NLGN4Y: variants seen among roughly 807,000 people sequenced by gnomAD.
NLGN4Y encodes neuroligin 4 Y-linked, also known as neuroligin-4, Y-linked.
In NLGN4Y, 4 loss-of-function variants were observed where a neutral mutation model predicts 8.4. The observed-to-expected ratio is 0.48, with a 90% CI of 0.23 to 1.09. The LOEUF (loss-of-function observed/expected upper bound fraction) is 1.09, where lower values mean the gene tolerates loss of function less well. Among genes scored for constraint, NLGN4Y ranks in the 50% least tolerant of loss-of-function variants. NLGN4Y has a pLI of 0.19. For synonymous variants in NLGN4Y, 35 were observed against 75.6 expected (o/e 0.46, Z 2.78); for missense variants, 90 against 192.3 (o/e 0.47, Z 3.15).
chrY:14,814,036 A>C, intron 4 of NLGN4Y, among the ~76,000 whole-genome samples: 1 of 32,470 alleles, frequency 3.1e-5, no homozygotes, highest in Non-Finnish European at 7.5e-5. Context: ...CCTAAAATAA[A>C]AGGTTTTTAA....
intron 1 of NLGN4Y, among the ~76,000 whole-genome samples, chrY:14,539,635 T>TA (rs2080143798): frequency 1.6e-4 from 5 of 30,484 alleles, no homozygotes; most frequent in Admixed American, 1.2e-3. Flanking sequence ...CATTCCTCAT[T>TA]CTAGGGGCAT....
chrY:14,752,518 T>C, intron 4 of NLGN4Y, among the ~76,000 whole-genome samples: 5 of 33,764 alleles, frequency 1.5e-4, no homozygotes, highest in Non-Finnish European at 3.7e-4. Context: ...CATGGAATTG[T>C]ACATCCTTAT....
chrY:14,705,121 G>T (rs2080872010), intron 2 of NLGN4Y, among the ~76,000 whole-genome samples: 1 of 32,326 alleles, frequency 3.1e-5, no homozygotes, highest in African/African-American at 1.2e-4. Context: ...GTAGACAAAC[G>T]GTATCTTTAT....
chrY:14,572,206 G>A (rs2080275160), intron 1 of NLGN4Y, among the ~76,000 whole-genome samples: 1 of 32,901 alleles, frequency 3.0e-5, no homozygotes, highest in African/African-American at 1.2e-4. Context: ...CCATTTTCAC[G>A]ATATTGATTC....
intron 1 of NLGN4Y, among the ~76,000 whole-genome samples, chrY:14,526,178 C>G (rs988758437): frequency 2.7e-4 from 9 of 33,288 alleles, no homozygotes; most frequent in Non-Finnish European, 5.2e-4. Flanking sequence ...TTTGTGAGGG[C>G]AGATTTGGAG....
chrY:14,614,621 A>T (rs2080481428), intron 1 of NLGN4Y, among the ~76,000 whole-genome samples: 1 of 33,509 alleles, frequency 3.0e-5, no homozygotes, highest in Admixed American at 2.7e-4. Context: ...GTAAGGTGTA[A>T]GGAAGGGATC....
At chrY:14,803,448 G>A (rs2043045471) in intron 4 of NLGN4Y, among the ~76,000 whole-genome samples, 1 of 30,937 alleles carries the variant, frequency 3.2e-5, no homozygotes, top group African/African-American at 1.3e-4. Flanking sequence ...AGGCCAAAAG[G>A]CAATATAAAC....
chrY:14,612,695 G>A (rs1044844652), intron 1 of NLGN4Y, among the ~76,000 whole-genome samples: 2 of 33,106 alleles, frequency 6.0e-5, no homozygotes, highest in Non-Finnish European at 1.5e-4. Context: ...GCCACCTGAT[G>A]TCAACCAGAG....
intron 1 of NLGN4Y, among the ~76,000 whole-genome samples, chrY:14,617,481 A>G (rs764480930): frequency 3.3e-5 from 1 of 30,380 alleles, no homozygotes; most frequent in Non-Finnish European, 7.9e-5. Context: ...TTCCTCTGGA[A>G]GCTTTGTTTC....
At chrY:14,754,331 G>A (rs536318113) in intron 4 of NLGN4Y, among the ~76,000 whole-genome samples, 2 of 33,169 alleles carry the variant, frequency 6.0e-5, no homozygotes, top group African/African-American at 2.3e-4. Flanking sequence ...CCAAGATCAC[G>A]CTGCTGCACT....
chrY:14,598,100 C>T, intron 1 of NLGN4Y, among the ~76,000 whole-genome samples: 1 of 35,066 alleles, frequency 2.9e-5, no homozygotes, highest in Non-Finnish European at 7.2e-5. Context: ...AGATTCTCCA[C>T]GTCCCCACCA....
At chrY:14,593,561 A>G in intron 1 of NLGN4Y, among the ~76,000 whole-genome samples, 1 of 33,389 alleles carries the variant, frequency 3.0e-5, no homozygotes, top group African/African-American at 1.2e-4. Context: ...CTATGCCCCC[A>G]TGAAAGTCCC....
intron 1 of NLGN4Y, among the ~76,000 whole-genome samples, chrY:14,566,570 G>C: frequency 3.0e-5 from 1 of 33,155 alleles, no homozygotes; most frequent in Admixed American, 2.8e-4. Context: ...CACAATAATA[G>C]TGGGAGACTT....
intron 4 of NLGN4Y, among the ~76,000 whole-genome samples, chrY:14,761,020 C>A (rs2081078516): frequency 3.0e-5 from 1 of 33,168 alleles, no homozygotes; most frequent in Non-Finnish European, 7.4e-5. Flanking sequence ...ATTGGGAGGA[C>A]TCCTGCTACT....
At chrY:14,668,464 C>T (rs928214500) in intron 2 of NLGN4Y, among the ~76,000 whole-genome samples, 12 of 32,986 alleles carry the variant, frequency 3.6e-4, no homozygotes, top group African/African-American at 1.2e-3. Context: ...CCAAATGTTA[C>T]GCAAATAGTA....
intron 1 of NLGN4Y, among the ~76,000 whole-genome samples, chrY:14,544,490 G>A: frequency 6.1e-5 from 2 of 32,648 alleles, no homozygotes; most frequent in East Asian, 8.0e-4. Context: ...TGAGAAAGTC[G>A]TCATACTGGA....
chrY:14,596,922 C>T (rs2080403132), intron 1 of NLGN4Y, among the ~76,000 whole-genome samples: 2 of 32,980 alleles, frequency 6.1e-5, no homozygotes, highest in African/African-American at 1.2e-4. Context: ...AAAGTCCCTT[C>T]GTGGTCACCA....
At chrY:14,576,394 G>T (rs1052738671) in intron 1 of NLGN4Y, among the ~76,000 whole-genome samples, 1 of 33,550 alleles carries the variant, frequency 3.0e-5, no homozygotes, top group Non-Finnish European at 7.4e-5. Flanking sequence ...CGAGCCAGGC[G>T]CAGGATATAA....
intron 4 of NLGN4Y, among the ~76,000 whole-genome samples, chrY:14,811,465 C>T (rs2043080070): frequency 3.0e-5 from 1 of 33,295 alleles, no homozygotes; most frequent in South Asian, 6.5e-4. Flanking sequence ...TATGTATGCG[C>T]CAGCTACAGG....
Sources: allele counts gnomAD v4.1 joint callset (sites outside exome capture counted in the v4.1 genomes callset), GRCh38; gene constraint gnomAD v4.1.1; transcripts MANE v1.5; gene names NCBI Gene and HGNC (gene_info 2026-07-23, HGNC 2026-07-21).